The following ERBB4 variants were observed in gnomAD, a reference collection of about 807,000 sequenced individuals.
ERBB4 encodes the protein receptor tyrosine-protein kinase erbB-4.
In ERBB4, 42 loss-of-function variants were observed where a neutral mutation model predicts 158.0. The ratio of observed to expected loss-of-function variants is 0.27; its 90% CI spans 0.21 to 0.34. ERBB4 has a LOEUF of 0.34. ERBB4 is among the 10% of genes least tolerant of loss of function. The pLI, the probability that ERBB4 is intolerant of heterozygous loss-of-function variation, is 1.00. For missense variants in ERBB4, 1,333 were observed against 1,624.1 expected (o/e 0.82, Z 3.08); for synonymous variants, 583 against 558.7 (o/e 1.04, Z -0.61).
Position 211,587,805 on chromosome 2 carries a change from C to T in ERBB4, c.2302-25717G>A, listed in dbSNP as rs912588553. 7.9e-5 allele frequency among the ~76,000 whole-genome samples: 12 copies of T among 152,140 alleles called. No individual in the cohort carries two copies. In the East Asian group the frequency reaches 1.7e-3, roughly 22 times the overall value. Reference sequence around the variant, plus strand: ...AAACAACCTCTATGAAAGGTAACCTCGTATTATCTGTAAAAATTACAGATG... The same window carrying T: ...AAACAACCTCTATGAAAGGTAACCTTGTATTATCTGTAAAAATTACAGATG... On this transcript the variant is annotated intron_variant, in intron 19 of 27. Coordinates refer to ENST00000342788, the MANE Select transcript of ERBB4 (RefSeq NM_005235.3).
intron 3 of ERBB4, among the ~76,000 whole-genome samples, chr2:211,944,795 G>A (rs2080632761): frequency 6.6e-6 from 1 of 152,086 alleles, no homozygotes; most frequent in South Asian, 2.1e-4. Flanking sequence ...TTCTCATTCA[G>A]TAGGTTTCAG....
At chr2:211,429,650 A>G (rs1021204527) in intron 21 of ERBB4, among the ~76,000 whole-genome samples, 2 of 152,232 alleles carry the variant, frequency 1.3e-5, no homozygotes, top group African/African-American at 4.8e-5. Context: ...TAGGCCTTTG[A>G]AATCATGAGG....
At chr2:211,985,300 G>A (rs56904258) in intron 2 of ERBB4, among the ~76,000 whole-genome samples, 9,520 of 152,156 alleles carry the variant, frequency 0.063, 400 homozygotes, top group Middle Eastern at 0.12. Flanking sequence ...GAGAGGAAGG[G>A]AAGGAATGAA....
chr2:212,475,991 T>C (rs1689370288), intron 1 of ERBB4, among the ~76,000 whole-genome samples: 2 of 152,070 alleles, frequency 1.3e-5, no homozygotes, highest in South Asian at 4.1e-4. Flanking sequence ...GAAATACAAA[T>C]CAGACTGTGT....
chr2:211,466,284 G>A lies in ERBB4; in HGVS notation c.2488-35184C>T, dbSNP rs556767642. Among the ~76,000 whole-genome samples the A allele has an allele frequency of 2.7e-5, 4 of 150,758 alleles. No individual in the cohort carries two copies. The East Asian group carries it at 7.8e-4, about 29-fold the overall frequency. ...GGAAGCTTTTCAATGTAAGGTAAAAGGTGTCTTCCTACTACCAGTAAGTAA... is the reference window on the plus strand; with the variant it reads ...GGAAGCTTTTCAATGTAAGGTAAAAAGTGTCTTCCTACTACCAGTAAGTAA... On this transcript the variant is annotated intron_variant, in intron 20 of 27. Transcript: ENST00000342788.
intron 2 of ERBB4, among the ~76,000 whole-genome samples, chr2:212,048,859 C>A (rs1181675093): frequency 6.6e-6 from 1 of 152,134 alleles, no homozygotes; most frequent in African/African-American, 2.4e-5. Flanking sequence ...AAAAAATATT[C>A]CCCTTAAGCA....
intron 20 of ERBB4, among the ~76,000 whole-genome samples, chr2:211,470,041 T>C (rs146561661): frequency 9.3e-4 from 142 of 152,172 alleles, no homozygotes; most frequent in Non-Finnish European, 1.6e-3. Context: ...TTTCCTTTTA[T>C]TTAAAATATA....
At chr2:212,443,947 C>T (rs1371464654) in intron 1 of ERBB4, among the ~76,000 whole-genome samples, 2 of 152,126 alleles carry the variant, frequency 1.3e-5, no homozygotes, top group Non-Finnish European at 2.9e-5. Flanking sequence ...GAACTGGGTG[C>T]TTTCTGACCC....
chr2:212,472,552 T>G (rs1413596588), intron 1 of ERBB4, among the ~76,000 whole-genome samples: 1 of 151,788 alleles, frequency 6.6e-6, no homozygotes, highest in Non-Finnish European at 1.5e-5. Context: ...AAACCTACCT[T>G]AAGTAATTCT....
chr2:212,459,442 A>G (rs1159084601), intron 1 of ERBB4, among the ~76,000 whole-genome samples: 2 of 152,204 alleles, frequency 1.3e-5, no homozygotes, highest in East Asian at 1.9e-4. Flanking sequence ...GATGAAAAAA[A>G]TTGAAGAGGA....
chr2:212,364,450 C>T (rs1483499794), intron 1 of ERBB4, among the ~76,000 whole-genome samples: 1 of 151,612 alleles, frequency 6.6e-6, no homozygotes, highest in African/African-American at 2.4e-5. Context: ...GCAGCCTTTA[C>T]AAGCAAAACA....
At chr2:212,249,881 T>G (rs2084465294) in intron 1 of ERBB4, among the ~76,000 whole-genome samples, 1 of 152,010 alleles carries the variant, frequency 6.6e-6, no homozygotes, top group Non-Finnish European at 1.5e-5. Context: ...CTTATGTATA[T>G]GAATATAGTA....
At chr2:211,436,940 T>A (rs1352961435) in intron 20 of ERBB4, among the ~76,000 whole-genome samples, 1 of 152,132 alleles carries the variant, frequency 6.6e-6, no homozygotes, top group African/African-American at 2.4e-5. Context: ...ATAAAATAGA[T>A]CTAAAAGGTT....
At chr2:211,995,693 G>C (rs2082185275) in intron 2 of ERBB4, among the ~76,000 whole-genome samples, 1 of 151,994 alleles carries the variant, frequency 6.6e-6, no homozygotes. Context: ...TTGTATCTCA[G>C]GTACAACATC....
intron 4 of ERBB4, among the ~76,000 whole-genome samples, chr2:211,769,669 G>T (rs2075642414): frequency 6.6e-6 from 1 of 152,108 alleles, no homozygotes; most frequent in Non-Finnish European, 1.5e-5. Context: ...TGGCCAAAGT[G>T]GCCAAAGGCC....
intron 2 of ERBB4, among the ~76,000 whole-genome samples, chr2:211,953,348 C>T (rs547817528): frequency 2.0e-5 from 3 of 151,086 alleles, no homozygotes; most frequent in Non-Finnish European, 2.9e-5. Flanking sequence ...CAAAACTGCA[C>T]GTTCTGCATA....
chr2:211,666,366 A>G (rs2071628792), intron 14 of ERBB4, among the ~76,000 whole-genome samples: 1 of 152,192 alleles, frequency 6.6e-6, no homozygotes. Context: ...TGCAAATAGA[A>G]CAAACTCATT....
intron 3 of ERBB4, among the ~76,000 whole-genome samples, chr2:211,923,342 C>A (rs1195881426): frequency 6.6e-6 from 1 of 152,014 alleles, no homozygotes; most frequent in Non-Finnish European, 1.5e-5. Flanking sequence ...ACATGGAAGT[C>A]ACTGATATTT....
intron 2 of ERBB4, among the ~76,000 whole-genome samples, chr2:212,012,659 C>T (rs998850889): frequency 6.6e-5 from 10 of 152,182 alleles, no homozygotes; most frequent in Non-Finnish European, 1.3e-4. Context: ...GTGATCCACC[C>T]ACCTCAGTCT....
Sources: gnomAD v4.1 joint callset for allele counts (sites outside exome capture counted in the v4.1 genomes callset) on GRCh38, gnomAD v4.1.1 for gene constraint, MANE v1.5 for transcripts, NCBI Gene and HGNC (gene_info 2026-07-23, HGNC 2026-07-21) for gene names.